The following MTERF2 variants were observed in gnomAD, a reference collection of about 807,000 sequenced individuals.
MTERF2 encodes the protein transcription termination factor 2, mitochondrial.
MTERF2 carries 23 observed loss-of-function variants against 29.2 expected under a neutral mutation model. The observed-to-expected ratio is 0.79, with a 90% CI of 0.57 to 1.12. The LOEUF (loss-of-function observed/expected upper bound fraction) is 1.12, where lower values mean the gene tolerates loss of function less well. Ranked by LOEUF, MTERF2 falls within the 50% of genes most tolerant of loss-of-function variation. MTERF2 has a pLI of 0.00. For missense variants in MTERF2, 440 were observed against 429.4 expected, an observed-to-expected ratio of 1.02 and a Z score of -0.22; for synonymous variants, 157 against 159.5, an observed-to-expected ratio of 0.98 and a Z score of 0.12.
intron 2 of MTERF2, among the ~76,000 whole-genome samples, chr12:106,979,000 C>T (rs562189345): frequency 6.6e-6 from 1 of 150,636 alleles, no homozygotes; most frequent in East Asian, 1.9e-4. Context: ...GACGGGGCAA[C>T]AAGAGTGAAA....
intron 2 of MTERF2, among the ~76,000 whole-genome samples, chr12:106,984,265 T>C (rs1351645757): frequency 1.3e-5 from 2 of 152,136 alleles, no homozygotes; most frequent in Non-Finnish European, 2.9e-5. Flanking sequence ...AAACCCTCTC[T>C]CTCTCCACTG....
intron 2 of MTERF2, among the ~76,000 whole-genome samples, chr12:106,982,889 T>C (rs114759713): frequency 0.029 from 4,422 of 152,320 alleles, 73 homozygotes; most frequent in African/African-American, 0.046. Flanking sequence ...TATTTTGATA[T>C]GTAAAAAATG....
chr12:106,983,155 T>A (rs1044386100), intron 2 of MTERF2, among the ~76,000 whole-genome samples: 3 of 152,252 alleles, frequency 2.0e-5, no homozygotes, highest in South Asian at 4.1e-4. Context: ...GCCCCTTTTT[T>A]AATTGTAGTA....
At position 106,978,080 on chromosome 12, in the gene MTERF2, A is replaced by T. The variant is rs770093563; in HGVS notation, c.635T>A (p.Leu212Ter). The T allele has an allele frequency of 1.2e-6, 2 of 1,614,008 alleles. No individual in the cohort carries two copies. The highest frequency in any genetic ancestry group is 2.2e-5 in the South Asian group (2 of 91,036). ...EANMKVWLLKLLSQNPFILLN... is the reference protein window; with the variant it reads ...EANMKVWLLK ...CAAAATAAATGGGTTTTGGCTTAACAATTTTAGTAGCCAAACTTTCATGTT... is the reference window on the plus strand; with the variant it reads ...CAAAATAAATGGGTTTTGGCTTAACTATTTTAGTAGCCAAACTTTCATGTT... The change falls in exon 3 of 3, where the codon TTG becomes TAG. Residue 212 changes from leucine to a stop codon, truncating the protein, a stop_gained. Coordinates refer to ENST00000240050, the MANE Select transcript of MTERF2 (RefSeq NM_001033050.3). LOFTEE classifies it high-confidence loss of function.
intron 2 of MTERF2, among the ~76,000 whole-genome samples, chr12:106,983,332 C>A (rs917349306): frequency 6.6e-6 from 1 of 152,280 alleles, no homozygotes; most frequent in African/African-American, 2.4e-5. Flanking sequence ...CCTCCAGACA[C>A]CAGTTACCTC....
In MTERF2 at chr12:106,977,675, C is replaced by G; in HGVS notation, c.1040G>C (p.Gly347Ala). The change falls in exon 3 of 3, where the codon GGA becomes GCA. Residue 347 changes from glycine (G) to alanine (A), a missense_variant. Gly to Ala is a moderately conservative substitution (Grantham distance 60). Coordinates refer to ENST00000240050, the MANE Select transcript of MTERF2 (RefSeq NM_001033050.3). ...LNSSGYRIKD[G>A]HLANLNGSKK... Reference sequence around the variant, plus strand: ...TGATCCATTTAGATTTGCTAGATGTCCATCCTTTATTCTGTAGCCTGAGGA... The same window carrying G: ...TGATCCATTTAGATTTGCTAGATGTGCATCCTTTATTCTGTAGCCTGAGGA... 2 of 1,613,962 alleles carry G rather than the reference C, an allele frequency of 1.2e-6. No homozygotes were observed. The highest frequency in any genetic ancestry group is 1.7e-6 in the Non-Finnish European group (2 of 1,179,946).
intron 2 of MTERF2, 79 bp from the exon 3 acceptor site, chr12:106,978,850 G>A (rs1470427128): frequency 3.0e-6 from 2 of 677,586 alleles, no homozygotes; most frequent in African/African-American, 3.7e-5. Context: ...TTGAGCTGTT[G>A]AAGTCTGGAA....
intron 1 of MTERF2, chr12:106,986,059 T>C (rs888477286): frequency 6.6e-6 from 1 of 152,244 alleles, no homozygotes; most frequent in East Asian, 1.9e-4. Flanking sequence ...AGGCAGGAAC[T>C]GAACGGTGTT....
Position 106,977,717 on chromosome 12 carries a change from CT to C in MTERF2, c.997del (p.Arg333GlyfsTer2). The C allele has an allele frequency of 6.2e-7, 1 of 1,613,986 alleles. No homozygotes were observed. The highest frequency in any genetic ancestry group is 8.5e-7 in the Non-Finnish European group (1 of 1,179,970). ...LELTPQIVQYRIRKLNSSGYR... is the reference protein window; with the variant it reads ...LELTPQIVQYXIRKLNSSGYR... ...GCCTGAGGAATTCAGTTTCCTTATC[CT>C]GTACTGTACTATCTGTGGTGTTAAT... On this transcript the variant is annotated frameshift_variant, in exon 3 of 3. Transcript: ENST00000240050. LOFTEE classifies it high-confidence loss of function.
intron 2 of MTERF2, among the ~76,000 whole-genome samples, chr12:106,979,740 A>G (rs143629600): frequency 1.3e-4 from 20 of 152,302 alleles, no homozygotes; most frequent in Non-Finnish European, 2.8e-4. Flanking sequence ...TATCCACTTG[A>G]CATGTGTAGG....
At chr12:106,981,627 TC>T (rs1952052787) in intron 2 of MTERF2, among the ~76,000 whole-genome samples, 1 of 152,136 alleles carries the variant, frequency 6.6e-6, no homozygotes, top group East Asian at 1.9e-4. Flanking sequence ...CTCAAGTGAT[TC>T]TCCAGCCTCA....
chr12:106,979,196 C>A (rs1303579551), intron 2 of MTERF2, among the ~76,000 whole-genome samples: 1 of 152,180 alleles, frequency 6.6e-6, no homozygotes, highest in Non-Finnish European at 1.5e-5. Context: ...CCCTTTTCCA[C>A]AACTGTTTAT....
chr12:106,983,891 C>A (rs890990190), intron 2 of MTERF2, among the ~76,000 whole-genome samples: 1 of 152,200 alleles, frequency 6.6e-6, no homozygotes, highest in South Asian at 2.1e-4. Context: ...CATCCTCAAA[C>A]CAGCTCTGGT....
intron 2 of MTERF2, among the ~76,000 whole-genome samples, chr12:106,983,824 AG>A (rs1465048379): frequency 1.3e-5 from 2 of 152,140 alleles, no homozygotes; most frequent in Non-Finnish European, 2.9e-5. Context: ...AATTCCCCAA[AG>A]GGGCCAAGAG....
intron 2 of MTERF2, among the ~76,000 whole-genome samples, chr12:106,981,820 C>T (rs536282908): frequency 5.1e-4 from 78 of 152,232 alleles, no homozygotes; most frequent in African/African-American, 1.8e-3. Context: ...CACGCCTGGC[C>T]TAAAAAATGG....
rs1211240908 is a variant in MTERF2, at chr12:106,978,295, G to C, written c.420C>G (p.Phe140Leu). 4 of 1,614,020 alleles carry C rather than the reference G, an allele frequency of 2.5e-6. No individual in the cohort carries two copies. The Admixed American group carries it at 6.7e-5, about 27-fold the overall frequency. The change falls in exon 3 of 3, where the codon TTC becomes TTG. Residue 140 changes from phenylalanine to leucine, a missense_variant. Coordinates refer to ENST00000240050, the MANE Select transcript of MTERF2 (RefSeq NM_001033050.3). ...IKLIEQFPES[F>L]FTIKDQENQK... The stretch of plus-strand genomic sequence containing the variant: ...GGTTCTCTTGGTCTTTAATAGTAAA[G>C]AAAGATTCTGGAAACTGCTCTATTA...
chr12:106,983,562 G>A (rs1186212360), intron 2 of MTERF2, among the ~76,000 whole-genome samples: 1 of 152,164 alleles, frequency 6.6e-6, no homozygotes, highest in East Asian at 1.9e-4. Context: ...AGTACCAGAT[G>A]ATCAGTAAAA....
chr12:106,985,866 AAAACAAC>A, intron 1 of MTERF2: 1 of 152,392 alleles, frequency 6.6e-6, no homozygotes, highest in Admixed American at 6.5e-5. Context: ...CAGATCTGCT[AAAACAAC>A]ACTTCTTCAC....
At chr12:106,982,651 T>G (rs1049734351) in intron 2 of MTERF2, among the ~76,000 whole-genome samples, 1 of 152,238 alleles carries the variant, frequency 6.6e-6, no homozygotes, top group African/African-American at 2.4e-5. Context: ...ATTTTGTAAT[T>G]CATTCCTTAT....
Sources: allele counts gnomAD v4.1 joint callset (sites outside exome capture counted in the v4.1 genomes callset), GRCh38; gene constraint gnomAD v4.1.1; transcripts MANE v1.5; gene names NCBI Gene and HGNC (gene_info 2026-07-23, HGNC 2026-07-21).